THSD4: variants seen among roughly 807,000 people sequenced by gnomAD.
The protein encoded by THSD4 is thrombospondin type 1 domain containing 4, also known as thrombospondin type-1 domain-containing protein 4.
In THSD4, 69 loss-of-function variants were observed where a neutral mutation model predicts 119.0. The ratio of observed to expected loss-of-function variants is 0.58; its 90% CI spans 0.48 to 0.71. The LOEUF is 0.71. THSD4 is among the 30% of genes least tolerant of loss of function. The probability of loss-of-function intolerance (pLI) is 0.00; values close to 1 mark genes in which losing one functional copy is unlikely to be tolerated. For synonymous variants in THSD4, 524 were observed against 540.4 expected, an observed-to-expected ratio of 0.97 and a Z score of 0.42; for missense variants, 1,393 against 1,391.1, an observed-to-expected ratio of 1.00 and a Z score of -0.02.
chr15:71,308,840 A>G (rs928399625), intron 6 of THSD4, among the ~76,000 whole-genome samples: 1 of 152,186 alleles, frequency 6.6e-6, no homozygotes, highest in Non-Finnish European at 1.5e-5. Flanking sequence ...CAGCTGCAGC[A>G]TTTTACATTT....
intron 7 of THSD4, among the ~76,000 whole-genome samples, chr15:71,476,675 A>G (rs2047659795): frequency 6.6e-6 from 1 of 152,208 alleles, no homozygotes; most frequent in Non-Finnish European, 1.5e-5. Flanking sequence ...GTCCAAATCT[A>G]TAGCTAAAGC....
At chr15:71,440,397 A>G (rs2047073512) in intron 7 of THSD4, among the ~76,000 whole-genome samples, 1 of 152,214 alleles carries the variant, frequency 6.6e-6, no homozygotes, top group Non-Finnish European at 1.5e-5. Context: ...GAAATTTCAA[A>G]TATATGATAT....
chr15:71,689,580 G>A lies in THSD4; in HGVS notation c.1357+28846G>A, dbSNP rs377486947. Among the ~76,000 whole-genome samples, 6 of 152,282 alleles carry A rather than the reference G, an allele frequency of 3.9e-5. No individual in the cohort carries two copies. The East Asian group carries it at 5.8e-4, about 15-fold the overall frequency. ...AGAGCCAAGTTCCTCCAGGCTTCAC[G>A]CCTAACCAGAGAGGTGTGTGGGATA... On this transcript the variant is annotated intron_variant, in intron 8 of 17. Transcript: ENST00000261862.
intron 7 of THSD4, among the ~76,000 whole-genome samples, chr15:71,455,200 C>T (rs2047321429): frequency 2.6e-5 from 4 of 152,204 alleles, no homozygotes; most frequent in Admixed American, 2.6e-4. Context: ...TTTGCTTTCC[C>T]TCCTTCTGCC....
intron 7 of THSD4, among the ~76,000 whole-genome samples, chr15:71,461,644 G>A (rs2047429622): frequency 6.6e-6 from 1 of 152,126 alleles, no homozygotes; most frequent in Non-Finnish European, 1.5e-5. Flanking sequence ...TCCTTTAAAA[G>A]CATTATTCCT....
At chr15:71,509,164 T>C (rs760092413) in intron 7 of THSD4, among the ~76,000 whole-genome samples, 6 of 152,180 alleles carry the variant, frequency 3.9e-5, no homozygotes, top group Non-Finnish European at 8.8e-5. Flanking sequence ...GTGTTTTCAG[T>C]AAGCAACATT....
At chr15:71,667,012 A>G (rs956303127) in intron 8 of THSD4, among the ~76,000 whole-genome samples, 2 of 152,220 alleles carry the variant, frequency 1.3e-5, no homozygotes, top group African/African-American at 2.4e-5. Context: ...TTAATGGTGC[A>G]CATATTTCAG....
intron 7 of THSD4, among the ~76,000 whole-genome samples, chr15:71,546,910 A>G (rs7178170): frequency 0.18 from 28,063 of 152,204 alleles, 3,479 homozygotes; most frequent in East Asian, 0.59. Context: ...CAACTTGTCC[A>G]GGCAAACACA....
At chr15:71,635,665 G>T (rs764202155) in intron 7 of THSD4, among the ~76,000 whole-genome samples, 2 of 152,100 alleles carry the variant, frequency 1.3e-5, no homozygotes, top group African/African-American at 4.8e-5. Context: ...ACCAGACAAA[G>T]GTTGCCAGTT....
chr15:71,751,937 C>T lies in THSD4; in HGVS notation c.2415+3343C>T, dbSNP rs938655600. 9.9e-5 allele frequency among the ~76,000 whole-genome samples: 15 copies of T among 152,246 alleles called. No individual in the cohort carries two copies. In the East Asian group the frequency reaches 1.3e-3, roughly 14 times the overall value. On this transcript the variant is annotated intron_variant, in intron 14 of 17. Transcript: ENST00000261862. ...TCTTATCTCTGTAAAATAGTGGGGG[C>T]GTGGAATCATGTTAAATTATGGGAA...
intron 7 of THSD4, among the ~76,000 whole-genome samples, chr15:71,557,694 G>A (rs1433307270): frequency 1.3e-5 from 2 of 152,098 alleles, no homozygotes; most frequent in African/African-American, 4.8e-5. Flanking sequence ...CTTGGAAAAT[G>A]TTTAAAAGTT....
At chr15:71,682,080 G>A (rs2051794340) in intron 8 of THSD4, among the ~76,000 whole-genome samples, 1 of 152,180 alleles carries the variant, frequency 6.6e-6, no homozygotes, top group African/African-American at 2.4e-5. Context: ...CCCTGGAAAG[G>A]ATGAAGACAT....
intron 10 of THSD4, among the ~76,000 whole-genome samples, chr15:71,734,369 A>G (rs2053040699): frequency 6.6e-6 from 1 of 152,224 alleles, no homozygotes; most frequent in Non-Finnish European, 1.5e-5. Context: ...CCTTCCATGC[A>G]TATTACTAAG....
At chr15:71,183,064 A>C (rs1347156807) in intron 3 of THSD4, 1 of 151,756 alleles carries the variant, frequency 6.6e-6, no homozygotes, top group African/African-American at 2.4e-5. Context: ...GACATACCGG[A>C]GACTGGGTAA....
chr15:71,360,943 G>T (rs1388047896), intron 6 of THSD4, among the ~76,000 whole-genome samples: 1 of 152,170 alleles, frequency 6.6e-6, no homozygotes, highest in Non-Finnish European at 1.5e-5. Flanking sequence ...TAGTAGAGAG[G>T]TATACCATAC....
intron 7 of THSD4, among the ~76,000 whole-genome samples, chr15:71,487,995 A>G (rs1297048591): frequency 6.6e-6 from 1 of 152,132 alleles, no homozygotes; most frequent in African/African-American, 2.4e-5. Context: ...AATTTTTTAC[A>G]CATACTTTCT....
In THSD4 at chr15:71,724,297, T is replaced by TTTTTTTTC. The variant is rs1491121953; in HGVS notation, c.1358-4252_1358-4251insTTTTTTTC. Among the ~76,000 whole-genome samples, 8 of 41,580 alleles carry TTTTTTTTC rather than the reference T, an allele frequency of 1.9e-4. 1 individual carries two copies. Among genetic ancestry groups the TTTTTTTTC allele is most frequent in the African/African-American group, 3.5e-4 (8 of 22,660 alleles). The allele number at this position is 41,580 out of a possible 152,430, so 27.3% of individuals were successfully genotyped here. Reference sequence around the variant, plus strand: ...TATATATATATATATATTTTTTTTTTCCCCCCAAGATGGAATTTTGCTCTG... The same window carrying TTTTTTTTC: ...TATATATATATATATATTTTTTTTTTTTTTTTTCCCCCCCAAGATGGAATTTTGCTCTG... On this transcript the variant is annotated intron_variant, in intron 8 of 17. Coordinates refer to ENST00000261862, the MANE Select transcript of THSD4 (RefSeq NM_024817.3).
chr15:71,689,615 C>T (rs1245927388), intron 8 of THSD4, among the ~76,000 whole-genome samples: 2 of 152,220 alleles, frequency 1.3e-5, no homozygotes, highest in African/African-American at 2.4e-5. Context: ...AGAAAAAGAC[C>T]TACACCATCC....
chr15:71,163,778 C>A (rs1479521732), intron 3 of THSD4, among the ~76,000 whole-genome samples: 1 of 150,286 alleles, frequency 6.7e-6, no homozygotes, highest in Non-Finnish European at 1.5e-5. Flanking sequence ...ACATCTATAG[C>A]CAGCATTTTC....
Sources: allele counts gnomAD v4.1 joint callset (sites outside exome capture counted in the v4.1 genomes callset), GRCh38; gene constraint gnomAD v4.1.1; transcripts MANE v1.5; gene names NCBI Gene and HGNC (gene_info 2026-07-23, HGNC 2026-07-21).